Variants in NCOA7 observed in about 807,000 individuals in gnomAD.
NCOA7 encodes the protein nuclear receptor coactivator 7, also known as 140 kDa estrogen receptor-associated protein.
NCOA7 carries 45 observed loss-of-function variants against 104.3 expected under a neutral mutation model. The observed-to-expected ratio is 0.43, with a 90% CI of 0.34 to 0.55. The LOEUF (loss-of-function observed/expected upper bound fraction) is 0.55. Ranked by LOEUF, NCOA7 falls within the 20% of genes least tolerant of loss-of-function variation. The probability of loss-of-function intolerance (pLI) is 0.02; values close to 1 mark genes in which losing one functional copy is unlikely to be tolerated. For missense variants in NCOA7, 1,041 were observed against 1,119.7 expected, an observed-to-expected ratio of 0.93 and a Z score of 1.00; for synonymous variants, 398 against 402.3, an observed-to-expected ratio of 0.99 and a Z score of 0.13.
At chr6:125,906,562 A>G (rs1786024540) in intron 10 of NCOA7, among the ~76,000 whole-genome samples, 2 of 152,190 alleles carry the variant, frequency 1.3e-5, no homozygotes, top group Non-Finnish European at 2.9e-5. Context: ...TTGGAAGGGC[A>G]GGTGCAGAAG....
intron 1 of NCOA7, among the ~76,000 whole-genome samples, chr6:125,791,868 C>T (rs1343491461): frequency 2.0e-5 from 3 of 152,106 alleles, no homozygotes; most frequent in African/African-American, 7.2e-5. Flanking sequence ...TTTTTTTCTC[C>T]TCTAGGTGTA....
chr6:125,859,231 A>G (rs1781843845), intron 3 of NCOA7, among the ~76,000 whole-genome samples: 2 of 151,582 alleles, frequency 1.3e-5, no homozygotes, highest in African/African-American at 4.8e-5. Context: ...GTAGTGTGTG[A>G]GGGAGGAAAA....
chr6:125,901,335 T>C (rs1392029268), intron 10 of NCOA7, among the ~76,000 whole-genome samples: 3 of 152,256 alleles, frequency 2.0e-5, no homozygotes, highest in African/African-American at 7.2e-5. Context: ...CTACCAGTCA[T>C]GCAGCTTTTG....
intron 2 of NCOA7, among the ~76,000 whole-genome samples, chr6:125,840,790 C>A (rs970089958): frequency 6.1e-5 from 9 of 147,540 alleles, no homozygotes; most frequent in Non-Finnish European, 1.2e-4. Flanking sequence ...GGATTACAGG[C>A]TTGAGTCATC....
At chr6:125,913,402 T>C (rs1177112761) in intron 10 of NCOA7, among the ~76,000 whole-genome samples, 1 of 152,186 alleles carries the variant, frequency 6.6e-6, no homozygotes, top group Non-Finnish European at 1.5e-5. Flanking sequence ...CATAATCTGC[T>C]CTACTCAGAG....
At chr6:125,921,578 G>A (rs1192544685) in intron 12 of NCOA7, among the ~76,000 whole-genome samples, 1 of 152,000 alleles carries the variant, frequency 6.6e-6, no homozygotes, top group African/African-American at 2.4e-5. Flanking sequence ...ATGAGGAGTT[G>A]GTCAGACACT....
Position 125,815,604 on chromosome 6 carries a change from C to T in NCOA7, c.50+200C>T, listed in dbSNP as rs552064144. 2.0e-5 allele frequency among the ~76,000 whole-genome samples: 3 copies of T among 152,340 alleles called. No individual in the cohort carries two copies. The East Asian group carries it at 5.8e-4, about 29-fold the overall frequency. Reference sequence around the variant, plus strand: ...TAACATTTGGTTCTTCTCTTTCTAGCTTTGACACTTCTCTCAGGCCAGTGT... The same window carrying T: ...TAACATTTGGTTCTTCTCTTTCTAGTTTTGACACTTCTCTCAGGCCAGTGT... On this transcript the variant is annotated intron_variant, in intron 2 of 15. Transcript: ENST00000392477.
chr6:125,913,571 C>T (rs1420791732), intron 10 of NCOA7: 1 of 770,036 alleles, frequency 1.3e-6, no homozygotes, highest in East Asian at 1.3e-4. Context: ...TCTATATTTA[C>T]TTTTGTAATA....
At chr6:125,928,514 A>G in intron 15 of NCOA7, 122 bp from the exon 16 acceptor site, 1 of 1,120,076 alleles carries the variant, frequency 8.9e-7, no homozygotes, top group Admixed American at 2.5e-5. Context: ...TCCTGGTTTT[A>G]TAAGCAGTTT....
chr6:125,911,635 C>G (rs1786562032), intron 10 of NCOA7, among the ~76,000 whole-genome samples: 1 of 152,202 alleles, frequency 6.6e-6, no homozygotes, highest in Admixed American at 6.5e-5. Context: ...CTTCTTCATG[C>G]TGAATAGGGG....
At chr6:125,827,220 AGAGT>A (rs1462505589) in intron 2 of NCOA7, among the ~76,000 whole-genome samples, 1 of 146,210 alleles carries the variant, frequency 6.8e-6, no homozygotes, top group Non-Finnish European at 1.5e-5. Flanking sequence ...AAAAAAAGTG[AGAGT>A]GAGCAAGCAA....
In NCOA7 at chr6:125,889,522, C is replaced by G. The variant is rs755460281; in HGVS notation, c.1468C>G (p.Gln490Glu). The change falls in exon 9 of 16, where the codon CAA becomes GAA. Residue 490 changes from glutamine (Q) to glutamate (E), a missense_variant. Coordinates refer to ENST00000392477, the MANE Select transcript of NCOA7 (RefSeq NM_181782.5). Reference protein sequence around the residue: ...GALDLETCEKQDIMPEVDKQS... With the variant: ...GALDLETCEKEDIMPEVDKQS... ...GCTAGATTTAGAAACCTGTGAGAAG[C>G]AAGATATAATGCCAGAAGTGGACAA... The G allele has an allele frequency of 6.2e-7, 1 of 1,614,018 alleles. No individual in the cohort carries two copies. Among genetic ancestry groups the G allele is most frequent in the South Asian group, 1.1e-5 (1 of 91,072 alleles).
At chr6:125,881,670 CAAAAAA>C (rs397887394) in intron 6 of NCOA7, among the ~76,000 whole-genome samples, 2 of 90,542 alleles carry the variant, frequency 2.2e-5, no homozygotes, top group Admixed American at 1.3e-4. Flanking sequence ...AACCCTATCT[CAAAAAA>C]AAAAAAAAAA....
At chr6:125,921,857 T>C (rs1787616639) in intron 12 of NCOA7, among the ~76,000 whole-genome samples, 4 of 152,346 alleles carry the variant, frequency 2.6e-5, no homozygotes, top group African/African-American at 2.4e-5. Flanking sequence ...TCTGAATGTT[T>C]ACTTGAAATT....
intron 5 of NCOA7, among the ~76,000 whole-genome samples, chr6:125,879,657 A>G (rs1005308967): frequency 6.6e-6 from 1 of 152,192 alleles, no homozygotes; most frequent in South Asian, 2.1e-4. Context: ...CAGTTGTTAT[A>G]TGATTAGCTC....
At chr6:125,800,633 A>G (rs1371426928) in intron 1 of NCOA7, among the ~76,000 whole-genome samples, 1 of 152,248 alleles carries the variant, frequency 6.6e-6, no homozygotes, top group African/African-American at 2.4e-5. Flanking sequence ...GTTAGTGTAC[A>G]TAACTCTGCA....
rs77923933 is a variant in NCOA7, at chr6:125,856,261, A to G, written c.271+1021A>G. On this transcript the variant is annotated intron_variant, in intron 3 of 15. Transcript: ENST00000392477. ...TGAAATGTGGTCTCATAGCAGAGAA[A>G]TGACACTCGTTCTGGGCCACCCTCA... Among the ~76,000 whole-genome samples the G allele has an allele frequency of 2.0e-3, 305 of 152,256 alleles. 2 individuals carry two copies. Among genetic ancestry groups the G allele is most frequent in the Middle Eastern group, 3.4e-3 (1 of 294 alleles).
At chr6:125,928,533 G>T in intron 15 of NCOA7, 103 bp from the exon 16 acceptor site, 4 of 1,284,476 alleles carry the variant, frequency 3.1e-6, no homozygotes, top group South Asian at 1.5e-5. Flanking sequence ...TTAGAATTTT[G>T]CCTGTCAGTA....
At chr6:125,901,298 T>A (rs1785477975) in intron 10 of NCOA7, among the ~76,000 whole-genome samples, 1 of 152,238 alleles carries the variant, frequency 6.6e-6, no homozygotes, top group Non-Finnish European at 1.5e-5. Context: ...GATTATATTT[T>A]GCTGTGTGTG....
Sources: gnomAD v4.1 joint callset for allele counts (sites outside exome capture counted in the v4.1 genomes callset) on GRCh38, gnomAD v4.1.1 for gene constraint, MANE v1.5 for transcripts, NCBI Gene and HGNC (gene_info 2026-07-23, HGNC 2026-07-21) for gene names.